Variants in CCND3 observed in about 807,000 individuals in gnomAD.
CCND3 encodes G1/S-specific cyclin-D3.
A neutral mutation model predicts 28.7 loss-of-function variants in CCND3; 9 were observed. The observed-to-expected ratio is 0.31, with a 90% CI of 0.19 to 0.55. CCND3 has a LOEUF of 0.55. Ranked by LOEUF, CCND3 falls within the 20% of genes least tolerant of loss-of-function variation. CCND3 has a pLI of 0.93. For synonymous variants in CCND3, 164 were observed against 163.9 expected, an observed-to-expected ratio of 1.00 and a Z score of 0.00; for missense variants, 315 against 385.8, an observed-to-expected ratio of 0.82 and a Z score of 1.54.
intron 1 of CCND3, among the ~76,000 whole-genome samples, chr6:41,985,890 A>G (rs56002976): frequency 0.98 from 45,339 of 46,368 alleles, 22,328 homozygotes; most frequent in Middle Eastern, 1. Context: ...CGGCCTCCCA[A>G]AGTGCTGGGA....
At chr6:41,937,459 A>G in intron 2 of CCND3, 65 bp from the exon 3 acceptor site, 1 of 1,579,484 alleles carries the variant, frequency 6.3e-7, no homozygotes, top group South Asian at 1.1e-5. Context: ...GCAAAGCAGA[A>G]GTCTCAAAGT....
At chr6:42,036,712 C>T (rs1422057709) in intron 1 of CCND3, among the ~76,000 whole-genome samples, 1 of 150,844 alleles carries the variant, frequency 6.6e-6, no homozygotes, top group Non-Finnish European at 1.5e-5. Flanking sequence ...CCAGTCCTCT[C>T]TTTTCTAATG....
At chr6:42,008,366 G>C (rs948224224) in intron 1 of CCND3, among the ~76,000 whole-genome samples, 1 of 149,656 alleles carries the variant, frequency 6.7e-6, no homozygotes, top group African/African-American at 2.5e-5. Flanking sequence ...CAACAAGAGC[G>C]AAACTCTGTC....
At chr6:41,975,089 G>T (rs772425305) in intron 1 of CCND3, among the ~76,000 whole-genome samples, 4 of 151,964 alleles carry the variant, frequency 2.6e-5, no homozygotes, top group Non-Finnish European at 4.4e-5. Context: ...ACCGTGCCTG[G>T]CCCCCACAGT....
At chr6:41,986,980 C>A (rs1224198934) in intron 1 of CCND3, among the ~76,000 whole-genome samples, 1 of 152,040 alleles carries the variant, frequency 6.6e-6, no homozygotes, top group Non-Finnish European at 1.5e-5. Flanking sequence ...GCTACCTTCA[C>A]AATTAGTTGA....
chr6:42,000,263 G>GTTTTTTTTTTTTA (rs1762958941), intron 1 of CCND3, among the ~76,000 whole-genome samples: 1 of 84,982 alleles, frequency 1.2e-5, no homozygotes, highest in Admixed American at 1.6e-4. Context: ...TTTTTTTTTG[G>GTTTTTTTTTTTTA]GACAGAGTCT....
intron 1 of CCND3, among the ~76,000 whole-genome samples, chr6:42,041,368 T>G (rs78790875): frequency 0.033 from 4,947 of 151,462 alleles, 148 homozygotes; most frequent in East Asian, 0.11. Flanking sequence ...AAGATGGGAG[T>G]TCCCCCAGGA....
chr6:41,987,509 CTCTCTCTCTGTG>C (rs1439461665), intron 1 of CCND3, among the ~76,000 whole-genome samples: 230 of 68,570 alleles, frequency 3.4e-3, no homozygotes, highest in East Asian at 0.028. Flanking sequence ...CTCTCTCTCT[CTCTCTCTCTGTG>C]TGTGTGTGTG....
At chr6:41,999,298 G>C (rs1762914942) in intron 1 of CCND3, among the ~76,000 whole-genome samples, 1 of 152,080 alleles carries the variant, frequency 6.6e-6, no homozygotes, top group South Asian at 2.1e-4. Context: ...GCCCGGGCTG[G>C]AGTGCAATGG....
At chr6:41,993,751 G>A (rs890988632) in intron 1 of CCND3, among the ~76,000 whole-genome samples, 1 of 151,388 alleles carries the variant, frequency 6.6e-6, no homozygotes, top group Non-Finnish European at 1.5e-5. Flanking sequence ...ACTGAAACCT[G>A]TCTCTACTAA....
In CCND3 at chr6:41,948,343, G is replaced by GT. The variant is rs60929545; in HGVS notation, c.-45-7759dup. Among the ~76,000 whole-genome samples the GT allele has an allele frequency of 3.0e-3, 433 of 144,346 alleles. 2 individuals carry two copies. Among genetic ancestry groups the GT allele is most frequent in the African/African-American group, 8.7e-3 (345 of 39,492 alleles). 94.7% of individuals were successfully genotyped at this position (144,346 alleles called of 152,430 possible). ...TTCAGTAAGTTTTTTGTTTTTTTTTGTTTTTTTTTTTGAGACAGGGTCTCA... is the reference window on the plus strand; with the variant it reads ...TTCAGTAAGTTTTTTGTTTTTTTTTGTTTTTTTTTTTTGAGACAGGGTCTCA... On this transcript the variant is annotated intron_variant, in intron 1 of 4. Coordinates refer to the CCND3 transcript ENST00000372988.
At chr6:42,009,102 G>C (rs928231437) in intron 1 of CCND3, among the ~76,000 whole-genome samples, 1 of 152,188 alleles carries the variant, frequency 6.6e-6, no homozygotes, top group Non-Finnish European at 1.5e-5. Flanking sequence ...TGAGTGATAA[G>C]GGTCACTACT....
upstream of CCND3, among the ~76,000 whole-genome samples, chr6:41,945,714 G>A (rs1189082975): frequency 6.6e-6 from 1 of 152,164 alleles, no homozygotes; most frequent in Non-Finnish European, 1.5e-5. Context: ...GTTCAAACCT[G>A]GCTCCACAGC....
In CCND3 at chr6:41,938,317, T is replaced by C. The variant is rs1775875960; in HGVS notation, c.415-923A>G. The C allele has an allele frequency of 6.6e-6, 1 of 152,202 alleles. No individual in the cohort carries two copies. The allele number at this position is 152,202 out of a possible 1,614,324, so 9.4% of individuals were successfully genotyped here. ...GGAACTTGTGGGTTTGACTCCTTAT[T>C]GAGGCAGAAATGGCAACCCCACCCA... On this transcript the variant is annotated intron_variant, in intron 2 of 4. Coordinates refer to ENST00000372991, the MANE Select transcript of CCND3 (RefSeq NM_001760.5). This position sits in a 1 kb window ranked among gnomAD's most constrained non-coding sequence, Gnocchi z 4.6.
chr6:42,043,937 CAG>C (rs932467221), intron 1 of CCND3, among the ~76,000 whole-genome samples: 2 of 152,218 alleles, frequency 1.3e-5, no homozygotes, highest in Non-Finnish European at 2.9e-5. Flanking sequence ...CAAATAGTTT[CAG>C]AGAGGTGGGG....
intron 1 of CCND3, among the ~76,000 whole-genome samples, chr6:42,027,205 C>A (rs1201108022): frequency 6.6e-6 from 1 of 152,042 alleles, no homozygotes; most frequent in African/African-American, 2.4e-5. Flanking sequence ...TTTGGGAGGC[C>A]GAGACGGGCA....
intron 1 of CCND3, among the ~76,000 whole-genome samples, chr6:42,034,204 G>C (rs1764130054): frequency 1.3e-5 from 2 of 150,800 alleles, no homozygotes; most frequent in Admixed American, 1.3e-4. Flanking sequence ...CTGGAGTGCA[G>C]TGGTGCGATC....
At chr6:41,948,054 C>T (rs780874545) in intron 1 of CCND3, among the ~76,000 whole-genome samples, 3 of 152,270 alleles carry the variant, frequency 2.0e-5, no homozygotes, top group East Asian at 1.9e-4. Flanking sequence ...GTTCTGCCTC[C>T]GGATATCCAC....
chr6:41,978,823 T>C (rs1360117917), intron 1 of CCND3, among the ~76,000 whole-genome samples: 4 of 152,288 alleles, frequency 2.6e-5, no homozygotes, highest in African/African-American at 9.6e-5. Context: ...TTTTCTACAA[T>C]GACATGTTGC....
Sources: allele counts gnomAD v4.1 joint callset (sites outside exome capture counted in the v4.1 genomes callset), GRCh38; gene constraint gnomAD v4.1.1; non-coding constraint Gnocchi (gnomAD v3.1); transcripts MANE v1.5; gene names NCBI Gene and HGNC (gene_info 2026-07-23, HGNC 2026-07-21).